ARL6: variants seen among roughly 807,000 people sequenced by gnomAD.
The protein encoded by ARL6 is ADP-ribosylation factor-like protein 6.
ARL6 carries 18 observed loss-of-function variants against 27.1 expected under a neutral mutation model. The observed-to-expected ratio is 0.66, with a 90% CI of 0.46 to 0.98. The LOEUF is 0.98. ARL6 is among the 50% of genes least tolerant of loss of function. The probability of loss-of-function intolerance (pLI) is 0.00; values close to 1 mark genes in which losing one functional copy is unlikely to be tolerated. For synonymous variants in ARL6, 65 were observed against 72.3 expected, an observed-to-expected ratio of 0.90 and a Z score of 0.51; for missense variants, 187 against 214.9, an observed-to-expected ratio of 0.87 and a Z score of 0.81.
chr3:97,781,407 G>A (rs2037192483), intron 4 of ARL6, among the ~76,000 whole-genome samples: 1 of 151,970 alleles, frequency 6.6e-6, no homozygotes, highest in Admixed American at 6.5e-5. Context: ...ATGCCATAAA[G>A]TTCCAAAAAG....
chr3:97,786,176 C>A (rs2037449618), intron 5 of ARL6, among the ~76,000 whole-genome samples: 1 of 151,806 alleles, frequency 6.6e-6, no homozygotes, highest in Non-Finnish European at 1.5e-5. Flanking sequence ...CATGGTGAAA[C>A]CCCATCTCTA....
intron 7 of ARL6, 191 bp downstream of exon 7, chr3:97,792,017 AT>A: frequency 3.5e-6 from 2 of 570,246 alleles, no homozygotes; most frequent in East Asian, 5.8e-5. Context: ...TTGCTAAAGG[AT>A]TTATTTACAT....
chr3:97,788,249 T>G (rs2037555237), intron 6 of ARL6, 130 bp downstream of exon 6: 2 of 1,022,804 alleles, frequency 2.0e-6, no homozygotes, highest in Non-Finnish European at 2.8e-6. Context: ...GGATTTTGTT[T>G]TGTAGAATTG....
intron 5 of ARL6, 24 bp from the exon 6 acceptor site, chr3:97,787,966 T>G: frequency 6.2e-7 from 1 of 1,612,508 alleles, no homozygotes; most frequent in Non-Finnish European, 8.5e-7. Flanking sequence ...GGAAGTGTGA[T>G]GATAATCTTA....
rs776814564 is a variant in ARL6 at position 97,768,131 on chromosome 3, A to C, written c.24A>C (p.Ser8=). The change falls in exon 2 of 8, where the codon TCA becomes TCC. Residue 8 remains serine, a synonymous_variant. Coordinates refer to ENST00000463745, the MANE Select transcript of ARL6 (RefSeq NM_001278293.3). The stretch of plus-strand genomic sequence containing the variant: ...TTATGGGATTGCTAGACAGACTTTC[A>C]GTCTTGCTTGGCCTGAAGAAGAAGG... MGLLDRL[S]VLLGLKKKEV... is the part of the protein sequence containing the mutation. 1 of 1,613,038 alleles carries C rather than the reference A, an allele frequency of 6.2e-7. No individual in the cohort carries two copies. The highest frequency in any genetic ancestry group is 2.2e-5 in the East Asian group (1 of 44,818).
intron 6 of ARL6, among the ~76,000 whole-genome samples, chr3:97,789,154 C>T (rs531555390): frequency 5.9e-5 from 9 of 152,258 alleles, no homozygotes; most frequent in African/African-American, 1.4e-4. Flanking sequence ...GCCTCCAGCA[C>T]CTCTTCCCAG....
intron 1 of ARL6, among the ~76,000 whole-genome samples, chr3:97,765,209 GGGGTGTGTGTGTGTGTGTGTGTGT>G (rs2036314198): frequency 7.8e-6 from 1 of 128,048 alleles, no homozygotes; most frequent in Non-Finnish European, 1.6e-5. Flanking sequence ...CCGTGTATTG[GGGGTGTGTGTGTGTGTGTGTGTGT>G]GTGTGTGTGT....
At chr3:97,772,916 G>A (rs1471751690) in intron 2 of ARL6, among the ~76,000 whole-genome samples, 2 of 152,032 alleles carry the variant, frequency 1.3e-5, no homozygotes, top group African/African-American at 4.8e-5. Context: ...CACCACGCCT[G>A]GCTGCTACTT....
Position 97,798,264 on chromosome 3 carries a change from G to T in ARL6, c.*215G>T. 3.7e-6 allele frequency: 2 copies of T among 541,664 alleles called. No individual in the cohort carries two copies. Among genetic ancestry groups the T allele is most frequent in the Non-Finnish European group, 6.7e-6 (2 of 299,696 alleles). The allele number at this position is 541,664 out of a possible 1,614,324, so 33.6% of individuals were successfully genotyped here. A position where few individuals can be genotyped will look rare whatever the true frequency, so the allele number is the denominator to read the frequency against. On this transcript the variant is annotated 3_prime_UTR_variant, in exon 8 of 8. Coordinates refer to ENST00000463745, the MANE Select transcript of ARL6 (RefSeq NM_001278293.3). ...AATATTCCCTCAAAAGGGCTCCCTA[G>T]AATTATCAAGTTCTTAGTGAAGGTC...
intron 2 of ARL6, among the ~76,000 whole-genome samples, chr3:97,774,174 G>A (rs2036775789): frequency 6.6e-6 from 1 of 152,182 alleles, no homozygotes; most frequent in East Asian, 1.9e-4. Flanking sequence ...TTAAAGGTAG[G>A]AGGAGCCTGT....
intron 2 of ARL6, among the ~76,000 whole-genome samples, chr3:97,768,833 A>G (rs917756685): frequency 5.3e-5 from 8 of 152,182 alleles, no homozygotes; most frequent in Admixed American, 3.3e-4. Context: ...CTCCAGGTCC[A>G]GAGAAAAGTG....
chr3:97,780,785 TC>T (rs1189119287), intron 4 of ARL6, 102 bp downstream of exon 4: 14 of 856,548 alleles, frequency 1.6e-5, no homozygotes, highest in Non-Finnish European at 2.5e-5. Flanking sequence ...CTTTTTTTTT[TC>T]ATGTAATTTA....
At chr3:97,797,866 G>A (rs180853272) in intron 7 of ARL6, among the ~76,000 whole-genome samples, 158 bp from the exon 8 acceptor site, 1 of 152,242 alleles carries the variant, frequency 6.6e-6, no homozygotes, top group Admixed American at 6.5e-5. Context: ...AGTACAGCCT[G>A]GGCCACATAG....
intron 4 of ARL6, among the ~76,000 whole-genome samples, chr3:97,783,706 T>G (rs529514172): frequency 6.6e-6 from 1 of 151,822 alleles, no homozygotes; most frequent in African/African-American, 2.4e-5. Context: ...AAAAGTTTTA[T>G]TTTGTATATC....
chr3:97,769,490 G>C (rs76171735), intron 2 of ARL6, among the ~76,000 whole-genome samples: 4 of 151,980 alleles, frequency 2.6e-5, no homozygotes, highest in Admixed American at 6.6e-5. Context: ...ATAAATCAGA[G>C]TCACTGGGAT....
At chr3:97,769,180 G>A (rs1478519833) in intron 2 of ARL6, among the ~76,000 whole-genome samples, 2 of 151,904 alleles carry the variant, frequency 1.3e-5, no homozygotes, top group Non-Finnish European at 2.9e-5. Flanking sequence ...GTTCTTTCCT[G>A]GACACAAACT....
chr3:97,768,049 T>G, intron 1 of ARL6, 32 bp from the exon 2 acceptor site: 2 of 1,591,798 alleles, frequency 1.3e-6, no homozygotes, highest in South Asian at 1.1e-5. Context: ...TAAGGTGCCT[T>G]TGGGTAATAT....
At chr3:97,781,333 A>G (rs2037189140) in intron 4 of ARL6, among the ~76,000 whole-genome samples, 1 of 144,846 alleles carries the variant, frequency 6.9e-6, no homozygotes, top group African/African-American at 2.6e-5. Flanking sequence ...TTGGTCCTTC[A>G]TGTCCTTGGG....
chr3:97,785,315 T>G (rs1354505349), intron 5 of ARL6, among the ~76,000 whole-genome samples: 1 of 62,148 alleles, frequency 1.6e-5, no homozygotes, highest in Non-Finnish European at 4.4e-5. Context: ...TTTTTTCTGA[T>G]TACATAAATT....
Sources: allele counts gnomAD v4.1 joint callset (sites outside exome capture counted in the v4.1 genomes callset), GRCh38; gene constraint gnomAD v4.1.1; transcripts MANE v1.5; gene names NCBI Gene and HGNC (gene_info 2026-07-23, HGNC 2026-07-21).